The following PLCH1 variants were observed in gnomAD, a reference collection of about 807,000 sequenced individuals.
The protein encoded by PLCH1 is phospholipase C eta 1.
PLCH1 carries 60 observed loss-of-function variants against 126.7 expected under a neutral mutation model. The ratio of observed to expected loss-of-function variants is 0.47; its 90% CI spans 0.38 to 0.59. PLCH1 has a LOEUF of 0.59. PLCH1 is among the 20% of genes least tolerant of loss of function. The pLI, the probability that PLCH1 is intolerant of heterozygous loss-of-function variation, is 0.00. For synonymous variants in PLCH1, 719 were observed against 734.9 expected, an observed-to-expected ratio of 0.98 and a Z score of 0.35; for missense variants, 1,723 against 2,040.0, an observed-to-expected ratio of 0.84 and a Z score of 2.99.
intron 21 of PLCH1, among the ~76,000 whole-genome samples, chr3:155,459,774 C>T (rs748541848): frequency 1.3e-5 from 2 of 152,096 alleles, no homozygotes; most frequent in African/African-American, 2.4e-5. Flanking sequence ...ATGTAATGAC[C>T]ATAATGAGCA....
In PLCH1 at chr3:155,575,420, CA is replaced by C. The variant is rs1729796803; in HGVS notation, c.772-7097del. Among the ~76,000 whole-genome samples, 2 of 152,010 alleles carry C rather than the reference CA, an allele frequency of 1.3e-5. 1 individual carries two copies. Among genetic ancestry groups the C allele is most frequent in the South Asian group, 4.2e-4 (2 of 4,818 alleles). On this transcript the variant is annotated intron_variant, in intron 6 of 22. Coordinates refer to ENST00000460012, the MANE Select transcript of PLCH1 (RefSeq NM_014996.4). ...CAGAATGATCAAAGAAACATTTTAC[CA>C]GAAAGAATAAAGGGGCTAAAGGTGC...
intron 2 of PLCH1, among the ~76,000 whole-genome samples, chr3:155,666,031 T>G (rs573789314): frequency 6.6e-6 from 1 of 152,372 alleles, no homozygotes; most frequent in East Asian, 1.9e-4. Context: ...ACAGTATAGA[T>G]GTGCTATCAT....
At chr3:155,735,698 A>G (rs930168155) in intron 1 of PLCH1, among the ~76,000 whole-genome samples, 6 of 152,014 alleles carry the variant, frequency 3.9e-5, no homozygotes, top group Admixed American at 3.9e-4. Flanking sequence ...AGAAAAAGAT[A>G]AAAAAAGTAT....
intron 6 of PLCH1, among the ~76,000 whole-genome samples, chr3:155,574,851 C>T (rs1347423537): frequency 6.6e-6 from 1 of 152,106 alleles, no homozygotes; most frequent in South Asian, 2.1e-4. Flanking sequence ...GAAAAATCAG[C>T]CAGGCATGGT....
intron 6 of PLCH1, among the ~76,000 whole-genome samples, chr3:155,578,863 T>C (rs1457574954): frequency 6.6e-6 from 1 of 152,150 alleles, no homozygotes; most frequent in Non-Finnish European, 1.5e-5. Flanking sequence ...AGGAAGAATT[T>C]TCTGAGCTTC....
At chr3:155,476,160 C>T (rs147357033), downstream of PLCH1, among the ~76,000 whole-genome samples, 1,345 of 152,136 alleles carry the variant, frequency 8.8e-3, 14 homozygotes, top group South Asian at 0.053. Flanking sequence ...ATATGCAAAT[C>T]AATCAGTATG....
At chr3:155,644,357 C>G (rs1739757805) in intron 2 of PLCH1, among the ~76,000 whole-genome samples, 1 of 152,172 alleles carries the variant, frequency 6.6e-6, no homozygotes. Flanking sequence ...AATCCCAGAA[C>G]TTAGGGAGGC....
At chr3:155,516,340 G>A (rs1720305130) in intron 11 of PLCH1, among the ~76,000 whole-genome samples, 1 of 152,222 alleles carries the variant, frequency 6.6e-6, no homozygotes, top group Non-Finnish European at 1.5e-5. Context: ...GGTGGGAAGT[G>A]ATTGTAACTC....
chr3:155,537,873 TA>T (rs1723655930), intron 10 of PLCH1, among the ~76,000 whole-genome samples: 1 of 152,126 alleles, frequency 6.6e-6, no homozygotes, highest in Non-Finnish European at 1.5e-5. Context: ...ACAATGGACT[TA>T]AACTATACCC....
chr3:155,735,733 G>A (rs762428658), intron 1 of PLCH1, among the ~76,000 whole-genome samples: 2 of 151,702 alleles, frequency 1.3e-5, no homozygotes, highest in African/African-American at 2.4e-5. Flanking sequence ...AAATTAGCTC[G>A]ATTTACCCAT....
chr3:155,640,461 C>T lies in PLCH1; in HGVS notation c.80-44083G>A, dbSNP rs146411011. Among the ~76,000 whole-genome samples, 891 of 152,256 alleles carry T rather than the reference C, an allele frequency of 5.9e-3. 12 individuals are homozygous for T. The highest frequency in any genetic ancestry group is 0.02 in the African/African-American group (840 of 41,562). On this transcript the variant is annotated intron_variant, in intron 2 of 22. Coordinates refer to ENST00000460012, the MANE Select transcript of PLCH1 (RefSeq NM_014996.4). The stretch of plus-strand genomic sequence containing the variant: ...TGAACGTTTTAAGCAGAGTGACCCA[C>T]GATGGGATACTCATCTTTACAATCA...
intron 4 of PLCH1, among the ~76,000 whole-genome samples, chr3:155,587,310 T>C (rs1322367532): frequency 6.6e-6 from 1 of 152,246 alleles, no homozygotes; most frequent in Non-Finnish European, 1.5e-5. Flanking sequence ...CCATGGTACA[T>C]GATCTTTTCA....
Position 155,605,583 on chromosome 3 carries a change from G to C in PLCH1, c.80-9205C>G, listed in dbSNP as rs570915905. 7.9e-5 allele frequency among the ~76,000 whole-genome samples: 12 copies of C among 152,258 alleles called. No individual in the cohort carries two copies. The South Asian group carries it at 2.5e-3, about 32-fold the overall frequency. On this transcript the variant is annotated intron_variant, in intron 2 of 22. Coordinates refer to ENST00000460012, the MANE Select transcript of PLCH1 (RefSeq NM_014996.4). ...TCATTAGCCTTAAAAATCATCTTAAGCAGTTAAAATCCTTTTCAAGCCCGA... is the reference window on the plus strand; with the variant it reads ...TCATTAGCCTTAAAAATCATCTTAACCAGTTAAAATCCTTTTCAAGCCCGA...
chr3:155,654,721 C>T (rs1185946553), intron 2 of PLCH1, among the ~76,000 whole-genome samples: 1 of 152,194 alleles, frequency 6.6e-6, no homozygotes, highest in Non-Finnish European at 1.5e-5. Context: ...ACCATCATTT[C>T]ATGTAATAAT....
intron 2 of PLCH1, among the ~76,000 whole-genome samples, chr3:155,637,867 T>C (rs140653403): frequency 1.3e-4 from 20 of 152,336 alleles, no homozygotes; most frequent in Admixed American, 1.1e-3. Flanking sequence ...AAGTGGGCTC[T>C]TGAATTGCGC....
At chr3:155,485,310 T>G in intron 22 of PLCH1, 46 bp downstream of exon 22, 1 of 1,219,498 alleles carries the variant, frequency 8.2e-7, no homozygotes. Flanking sequence ...GGGACTGACA[T>G]GCAGCCTAGA....
rs1713768377 is a variant in PLCH1, at chr3:155,480,008, A to C, written c.*960T>G. The C allele has an allele frequency of 6.6e-6, 1 of 152,574 alleles. No homozygotes were observed. Among genetic ancestry groups the C allele is most frequent in the African/African-American group, 2.4e-5 (1 of 41,448 alleles). The allele number at this position is 152,574 out of a possible 1,614,324, so 9.5% of individuals were successfully genotyped here. A position where few individuals can be genotyped will look rare whatever the true frequency, so the allele number is the denominator to read the frequency against. On this transcript the variant is annotated 3_prime_UTR_variant, in exon 23 of 23. Transcript: ENST00000460012. ...CAATAAAAAAGTGAATTCACAGTGAAAATAATGCATGTCAGTACTAAAATA... is the reference window on the plus strand; with the variant it reads ...CAATAAAAAAGTGAATTCACAGTGACAATAATGCATGTCAGTACTAAAATA...
intron 2 of PLCH1, among the ~76,000 whole-genome samples, chr3:155,686,051 T>A (rs1744913044): frequency 6.6e-6 from 1 of 152,200 alleles, no homozygotes; most frequent in African/African-American, 2.4e-5. Context: ...AGTTGATAAT[T>A]ATACCATGGG....
chr3:155,635,625 CTG>C (rs1316219538), intron 2 of PLCH1, among the ~76,000 whole-genome samples: 1 of 152,234 alleles, frequency 6.6e-6, no homozygotes, highest in Non-Finnish European at 1.5e-5. Flanking sequence ...ATTTGGCTCA[CTG>C]AGCAAATCCT....
Sources: gnomAD v4.1 joint callset for allele counts (sites outside exome capture counted in the v4.1 genomes callset) on GRCh38, gnomAD v4.1.1 for gene constraint, MANE v1.5 for transcripts, NCBI Gene and HGNC (gene_info 2026-07-23, HGNC 2026-07-21) for gene names.